Variants in TMTC1 observed in about 807,000 individuals in gnomAD.
The protein encoded by TMTC1 is transmembrane O-mannosyltransferase targeting cadherins 1.
Under a neutral mutation model 104.8 loss-of-function variants are expected in TMTC1, and 73 were observed. The observed-to-expected ratio is 0.70, with a 90% CI of 0.58 to 0.85. The LOEUF is 0.85. TMTC1 is among the 40% of genes least tolerant of loss of function. TMTC1 has a pLI of 0.00. For synonymous variants in TMTC1, 434 were observed against 428.7 expected, an observed-to-expected ratio of 1.01 and a Z score of -0.15; for missense variants, 1,035 against 1,096.1, an observed-to-expected ratio of 0.94 and a Z score of 0.79.
At chr12:29,732,671 A>T (rs965643025) in intron 5 of TMTC1, among the ~76,000 whole-genome samples, 7 of 152,030 alleles carry the variant, frequency 4.6e-5, no homozygotes, top group African/African-American at 9.7e-5. Context: ...TACGGGATTT[A>T]AAAAAAATTA....
intron 5 of TMTC1, among the ~76,000 whole-genome samples, chr12:29,745,502 T>C (rs1942929714): frequency 6.6e-6 from 1 of 150,454 alleles, no homozygotes; most frequent in African/African-American, 2.5e-5. Flanking sequence ...ACACCTGTAA[T>C]CCCAGCTACT....
rs2136113265 is a variant in TMTC1, at chr12:29,501,949, A to G, written c.*4897T>C. ...TAAATTACATGGCTACAAATAAAATATTGAGGGAAATAATATTTTTTGGAA... is the reference window on the plus strand; with the variant it reads ...TAAATTACATGGCTACAAATAAAATGTTGAGGGAAATAATATTTTTTGGAA... On this transcript the variant is annotated 3_prime_UTR_variant, in exon 18 of 18. Coordinates refer to ENST00000539277, the MANE Select transcript of TMTC1 (RefSeq NM_001193451.2). The G allele has an allele frequency of 6.6e-6, 1 of 152,312 alleles. No homozygotes were observed. 9.4% of individuals were successfully genotyped at this position (152,312 alleles called of 1,614,324 possible). A position where few individuals can be genotyped will look rare whatever the true frequency, so the allele number is the denominator to read the frequency against.
At chr12:29,642,939 CCAAACAAA>C (rs1189431373) in intron 5 of TMTC1, among the ~76,000 whole-genome samples, 2 of 149,730 alleles carry the variant, frequency 1.3e-5, no homozygotes, top group East Asian at 3.9e-4. Flanking sequence ...AAAAAAACTC[CCAAACAAA>C]CAAACAAACA....
chr12:29,753,363 C>A (rs1943138106), intron 4 of TMTC1, among the ~76,000 whole-genome samples: 1 of 152,172 alleles, frequency 6.6e-6, no homozygotes, highest in South Asian at 2.1e-4. Context: ...CAGCAGACGT[C>A]CTGCGAGGTC....
intron 5 of TMTC1, among the ~76,000 whole-genome samples, chr12:29,704,148 A>T (rs1290524167): frequency 6.6e-6 from 1 of 152,198 alleles, no homozygotes; most frequent in African/African-American, 2.4e-5. Context: ...TAAAAATAAT[A>T]ATTTCAGAGA....
chr12:29,783,396 G>A lies in TMTC1; in HGVS notation c.302+54C>T, dbSNP rs1943881196. 8.7e-6 allele frequency: 11 copies of A among 1,262,030 alleles called. No individual in the cohort carries two copies. Among genetic ancestry groups the A allele is most frequent in the Non-Finnish European group, 1.1e-5 (11 of 1,000,604 alleles). 78.2% of individuals were successfully genotyped at this position (1,262,030 alleles called of 1,614,324 possible). A position where few individuals can be genotyped will look rare whatever the true frequency, so the allele number is the denominator to read the frequency against. On this transcript the variant is annotated intron_variant, in intron 1 of 17. Coordinates refer to ENST00000539277, the MANE Select transcript of TMTC1 (RefSeq NM_001193451.2). This position sits in a 1 kb window ranked among gnomAD's most constrained non-coding sequence, Gnocchi z 4.7. ...TCCCGCAACTTCTCCCGGTCCGAGG[G>A]ACGGGCGGAGGGTAGAGGAGGCAGC...
intron 5 of TMTC1, among the ~76,000 whole-genome samples, chr12:29,732,908 T>C (rs1343548054): frequency 6.6e-6 from 1 of 152,092 alleles, no homozygotes; most frequent in African/African-American, 2.4e-5. Flanking sequence ...ATCCACATAA[T>C]TTCATTATGC....
At chr12:29,703,270 C>A (rs1281227042) in intron 5 of TMTC1, among the ~76,000 whole-genome samples, 5 of 152,060 alleles carry the variant, frequency 3.3e-5, no homozygotes. Context: ...ATGGGAGGTG[C>A]TTAGAGTAAA....
intron 12 of TMTC1, chr12:29,519,099 G>C (rs1944075117): frequency 6.6e-6 from 1 of 152,388 alleles, no homozygotes; most frequent in Middle Eastern, 3.4e-3. Context: ...CAGCTCTATA[G>C]TGAAAATCTC....
Position 29,514,470 on chromosome 12 carries a change from A to G in TMTC1, c.2430+12T>C. ...GTGAATTTGATGATATAATTTTATG[A>G]TGAGTTTATACCTCAAAAGCTTTGT... On this transcript the variant is annotated intron_variant, in intron 16 of 17. Transcript: ENST00000539277. 6.3e-7 allele frequency: 1 copy of G among 1,591,798 alleles called. No individual in the cohort carries two copies. Among genetic ancestry groups the G allele is most frequent in the Non-Finnish European group, 8.5e-7 (1 of 1,173,594 alleles).
chr12:29,643,713 A>AATATAAATATATATATTTAT (rs1565733711), intron 5 of TMTC1, among the ~76,000 whole-genome samples: 33 of 256 alleles, frequency 0.13, no homozygotes, highest in Non-Finnish European at 0.38. Flanking sequence ...TATATTATAT[A>AATATAAATATATATATTTAT]TATAATATAT....
intron 9 of TMTC1, among the ~76,000 whole-genome samples, chr12:29,560,780 A>G (rs1288312942): frequency 6.6e-6 from 1 of 152,142 alleles, no homozygotes; most frequent in Non-Finnish European, 1.5e-5. Flanking sequence ...TAGAATTAAT[A>G]GAGTAGGCAG....
At chr12:29,684,565 G>C (rs1941031440) in intron 5 of TMTC1, among the ~76,000 whole-genome samples, 1 of 151,970 alleles carries the variant, frequency 6.6e-6, no homozygotes, top group African/African-American at 2.4e-5. Context: ...CCAGAACTAG[G>C]GTCATCAGGA....
At chr12:29,714,966 G>A (rs568061317) in intron 5 of TMTC1, among the ~76,000 whole-genome samples, 1 of 152,222 alleles carries the variant, frequency 6.6e-6, no homozygotes, top group Non-Finnish European at 1.5e-5. Context: ...TTTCACATTA[G>A]CCCTTACTTT....
chr12:29,646,165 C>T (rs1015455842), intron 5 of TMTC1, among the ~76,000 whole-genome samples: 1 of 152,180 alleles, frequency 6.6e-6, no homozygotes, highest in Admixed American at 6.5e-5. Context: ...GAGACCCTGA[C>T]TCACTCCTTC....
At chr12:29,570,503 T>G (rs1229947062) in intron 9 of TMTC1, among the ~76,000 whole-genome samples, 1 of 152,208 alleles carries the variant, frequency 6.6e-6, no homozygotes, top group Non-Finnish European at 1.5e-5. Flanking sequence ...TCTTGTAATA[T>G]TTGGGAAAAT....
At chr12:29,728,962 C>T (rs562571215) in intron 5 of TMTC1, among the ~76,000 whole-genome samples, 2 of 146,590 alleles carry the variant, frequency 1.4e-5, no homozygotes, top group South Asian at 2.2e-4. Context: ...CACACCACTG[C>T]ACTCCATCCC....
At chr12:29,615,948 T>G (rs1337058050) in intron 6 of TMTC1, among the ~76,000 whole-genome samples, 2 of 152,146 alleles carry the variant, frequency 1.3e-5, no homozygotes, top group Non-Finnish European at 2.9e-5. Flanking sequence ...CCTTTGTATA[T>G]CAAAGTTGAT....
chr12:29,672,915 G>A (rs1303172850), intron 5 of TMTC1, among the ~76,000 whole-genome samples: 1 of 152,114 alleles, frequency 6.6e-6, no homozygotes, highest in East Asian at 1.9e-4. Context: ...AACTTTTCCT[G>A]GTTCAAACAA....
Sources: gnomAD v4.1 joint callset for allele counts (sites outside exome capture counted in the v4.1 genomes callset) on GRCh38, gnomAD v4.1.1 for gene constraint, Gnocchi (gnomAD v3.1) non-coding constraint, MANE v1.5 for transcripts, NCBI Gene and HGNC (gene_info 2026-07-23, HGNC 2026-07-21) for gene names.